Variants in ATP11A observed in about 807,000 individuals in gnomAD.
The protein encoded by ATP11A is ATPase phospholipid transporting 11A.
ATP11A carries 81 observed loss-of-function variants against 154.4 expected under a neutral mutation model. The observed-to-expected ratio is 0.52, with a 90% CI of 0.44 to 0.63. ATP11A has a LOEUF of 0.63. Among genes scored for constraint, ATP11A ranks in the 30% least tolerant of loss-of-function variants. The probability of loss-of-function intolerance (pLI) is 0.00; values close to 1 mark genes in which losing one functional copy is unlikely to be tolerated. For missense variants in ATP11A, 1,316 were observed against 1,474.3 expected, an observed-to-expected ratio of 0.89 and a Z score of 1.76; for synonymous variants, 623 against 585.9, an observed-to-expected ratio of 1.06 and a Z score of -0.91.
At chr13:112,777,520 C>T (rs961231973) in intron 1 of ATP11A, among the ~76,000 whole-genome samples, 7 of 152,164 alleles carry the variant, frequency 4.6e-5, no homozygotes, top group African/African-American at 9.7e-5. Context: ...GCCGAGATCA[C>T]GCCATTGCAC....
chr13:112,812,981 G>A (rs917943756), intron 5 of ATP11A, among the ~76,000 whole-genome samples: 3 of 152,162 alleles, frequency 2.0e-5, no homozygotes, highest in Admixed American at 2.0e-4. Flanking sequence ...GACCTAAACA[G>A]TGTCTGCCCA....
intron 25 of ATP11A, among the ~76,000 whole-genome samples, chr13:112,869,034 C>G (rs763195889): frequency 7.2e-5 from 11 of 152,040 alleles, no homozygotes; most frequent in Middle Eastern, 3.4e-3. Flanking sequence ...CACCTCCCAC[C>G]AGGCTCTCCC....
rs2079755336 is a variant in ATP11A at position 112,851,227 on chromosome 13, A to G, written c.1991+9A>G. On this transcript the variant is annotated intron_variant, in intron 18 of 29. Transcript: ENST00000375645. Reference sequence around the variant, plus strand: ...ACAGCTGTTGAGGACCGGTAAAGTAAACGCATGCATCCCGTCCTGAGAGAC... The same window carrying G: ...ACAGCTGTTGAGGACCGGTAAAGTAGACGCATGCATCCCGTCCTGAGAGAC... 6.2e-7 allele frequency: 1 copy of G among 1,610,004 alleles called. No individual in the cohort carries two copies. Among genetic ancestry groups the G allele is most frequent in the Non-Finnish European group, 8.5e-7 (1 of 1,177,886 alleles).
At chr13:112,788,387 G>A (rs955266779) in intron 2 of ATP11A, among the ~76,000 whole-genome samples, 58 of 146,556 alleles carry the variant, frequency 4.0e-4, no homozygotes, top group African/African-American at 1.1e-3. Flanking sequence ...AATTCACACC[G>A]GTGTCCTGAT....
rs533112198 is a variant in ATP11A at position 112,790,445 on chromosome 13, C to T, written c.162+5188C>T. On this transcript the variant is annotated intron_variant, in intron 2 of 29. Transcript: ENST00000375645. ...CTGTGGAGACCTGCTTAATTCACACCGGGTATTCTGACATGTAGACTCCTG... is the reference window on the plus strand; with the variant it reads ...CTGTGGAGACCTGCTTAATTCACACTGGGTATTCTGACATGTAGACTCCTG... Among the ~76,000 whole-genome samples, 113 of 149,422 alleles carry T rather than the reference C, an allele frequency of 7.6e-4. 1 individual carries two copies. Among genetic ancestry groups the T allele is most frequent in the South Asian group, 1.3e-3 (6 of 4,684 alleles).
chr13:112,864,492 A>G (rs2080249022), intron 25 of ATP11A, among the ~76,000 whole-genome samples: 1 of 85,508 alleles, frequency 1.2e-5, no homozygotes, highest in Non-Finnish European at 2.4e-5. Flanking sequence ...CCACATGCAC[A>G]GTAATTCAGT....
intron 5 of ATP11A, among the ~76,000 whole-genome samples, chr13:112,813,408 T>C (rs2078559364): frequency 6.6e-6 from 1 of 152,162 alleles, no homozygotes; most frequent in South Asian, 2.1e-4. Context: ...GGCAGTCTAA[T>C]TCCCTCGGGA....
At chr13:112,862,811 C>A (rs9549304) in intron 25 of ATP11A, among the ~76,000 whole-genome samples, 78,025 of 130,216 alleles carry the variant, frequency 0.6, 22,906 homozygotes, top group African/African-American at 0.77. Context: ...CCATCACCAC[C>A]TGCGCAGTAA....
chr13:112,822,582 G>A (rs1404393147), intron 8 of ATP11A, among the ~76,000 whole-genome samples: 1 of 152,044 alleles, frequency 6.6e-6, no homozygotes, highest in Non-Finnish European at 1.5e-5. Context: ...GAATCTCACT[G>A]AGGATGTAAT....
chr13:112,819,523 C>G (rs1017944063), intron 7 of ATP11A, 116 bp downstream of exon 7: 2 of 829,494 alleles, frequency 2.4e-6, no homozygotes, highest in African/African-American at 3.4e-5. Context: ...ATGTAAATCA[C>G]TGCTTAAAGA....
At chr13:112,699,822 A>G (rs923161394) in intron 1 of ATP11A, among the ~76,000 whole-genome samples, 2 of 152,192 alleles carry the variant, frequency 1.3e-5, no homozygotes, top group African/African-American at 4.8e-5. Context: ...TGTCGCCTCC[A>G]GTGGCAGCTG....
In ATP11A at chr13:112,887,026, T is replaced by C. The variant is rs1210799882; in HGVS notation, c.*5160T>C. The C allele has an allele frequency of 6.6e-6, 1 of 152,244 alleles. No homozygotes were observed. The highest frequency in any genetic ancestry group is 1.5e-5 in the Non-Finnish European group (1 of 68,042). 9.4% of individuals were successfully genotyped at this position (152,244 alleles called of 1,614,324 possible). A position where few individuals can be genotyped will look rare whatever the true frequency, so the allele number is the denominator to read the frequency against. ...TAAAGTTTATTTTGTATGCTTCTGT[T>C]TTTAACTTTTATTTCTGTAGATAAA... On this transcript the variant is annotated 3_prime_UTR_variant, in exon 30 of 30. Coordinates refer to ENST00000375645, the MANE Select transcript of ATP11A (RefSeq NM_015205.3).
At chr13:112,755,690 C>T (rs2076806700) in intron 1 of ATP11A, among the ~76,000 whole-genome samples, 1 of 150,128 alleles carries the variant, frequency 6.7e-6, no homozygotes, top group Non-Finnish European at 1.5e-5. Context: ...AGAACCATTT[C>T]CGGTCACGGA....
rs776085374 is a variant in ATP11A at position 112,833,011 on chromosome 13, A to G, written c.1547A>G (p.Glu516Gly). Residue 516 changes from glutamate (E) to glycine (G), a missense_variant, in exon 14 of 30, where the codon GAA (glutamate) becomes GGA (glycine). This residue lies in a region of ATP11A where 876 missense variants were observed against 1,006.8 expected (regional missense o/e 0.87). Transcript: ENST00000375645. The part of the protein sequence containing the change: ...SSSPDEVALV[E>G]GVQRLGFTYL... The stretch of plus-strand genomic sequence containing the variant: ...TCGCCCGACGAGGTGGCGCTGGTCG[A>G]AGGTGTCCAGAGGTACGTCGCGGGC... The G allele has an allele frequency of 6.2e-7, 1 of 1,612,696 alleles. No homozygotes were observed. Among genetic ancestry groups the G allele is most frequent in the Admixed American group, 1.7e-5 (1 of 59,972 alleles).
chr13:112,873,316 G>C (rs868255877), intron 26 of ATP11A: 1 of 465,428 alleles, frequency 2.1e-6, no homozygotes, highest in Non-Finnish European at 3.7e-6. Context: ...ACAGTGTGAG[G>C]TGTGGCTTTG....
chr13:112,778,637 G>A (rs1313862283), intron 1 of ATP11A, among the ~76,000 whole-genome samples: 34 of 151,002 alleles, frequency 2.3e-4, no homozygotes, highest in Admixed American at 5.3e-4. Context: ...GTGAGTAGCC[G>A]CTGGAGTGAG....
In ATP11A at chr13:112,713,010, G is replaced by C. The variant is rs1887943151; in HGVS notation, c.39+22555G>C. Among the ~76,000 whole-genome samples the C allele has an allele frequency of 2.0e-5, 3 of 152,234 alleles. No homozygotes were observed. The South Asian group carries it at 6.2e-4, about 32-fold the overall frequency. On this transcript the variant is annotated intron_variant, in intron 1 of 29. Transcript: ENST00000375645. ...GAGACGTATCTGGTTAATGTGAGCA[G>C]AGGCTTGGAAATTTAGAGCACGCTC... is the stretch of plus-strand genomic sequence containing the variant.
chr13:112,692,353 G>C (rs949009525), intron 1 of ATP11A, among the ~76,000 whole-genome samples: 1 of 152,148 alleles, frequency 6.6e-6, no homozygotes, highest in Non-Finnish European at 1.5e-5. Context: ...AGATGGATGG[G>C]CCAGCCCGGC....
At chr13:112,809,822 C>T (rs1481088561) in intron 4 of ATP11A, among the ~76,000 whole-genome samples, 3 of 152,202 alleles carry the variant, frequency 2.0e-5, no homozygotes, top group Non-Finnish European at 4.4e-5. Flanking sequence ...TGCAGCATCT[C>T]CTATTGTCGC....
Sources: allele counts gnomAD v4.1 joint callset (sites outside exome capture counted in the v4.1 genomes callset), GRCh38; gene constraint gnomAD v4.1.1; regional missense constraint gnomAD v4.1.1; transcripts MANE v1.5; gene names NCBI Gene and HGNC (gene_info 2026-07-23, HGNC 2026-07-21).